Variants in CHRM5 observed in about 807,000 individuals in gnomAD.
The protein encoded by CHRM5 is cholinergic receptor muscarinic 5.
CHRM5 carries 18 observed loss-of-function variants against 39.0 expected under a neutral mutation model. The observed-to-expected ratio is 0.46, with a 90% confidence interval of 0.32 to 0.68. The LOEUF is 0.68. Ranked by LOEUF, CHRM5 falls within the 30% of genes least tolerant of loss-of-function variation. The pLI, the probability that CHRM5 is intolerant of heterozygous loss-of-function variation, is 0.04. For synonymous variants in CHRM5, 241 were observed against 246.3 expected, an observed-to-expected ratio of 0.98 and a Z score of 0.20; for missense variants, 515 against 651.1, an observed-to-expected ratio of 0.79 and a Z score of 2.28.
intron 1 of CHRM5, among the ~76,000 whole-genome samples, chr15:34,011,250 C>A (rs114739507): frequency 1.6e-3 from 238 of 151,980 alleles, no homozygotes; most frequent in African/African-American, 5.5e-3. Context: ...GGGGGAACTA[C>A]GCTAGCAAAA....
At chr15:34,032,100 T>C (rs1028627049) in intron 1 of CHRM5, among the ~76,000 whole-genome samples, 1 of 152,018 alleles carries the variant, frequency 6.6e-6, no homozygotes, top group African/African-American at 2.4e-5. Context: ...CGTAATAAGT[T>C]AGTCAGTAGC....
rs1458859883 is a variant in CHRM5, at chr15:34,066,659, C to T, written c.*2343C>T. ...TCTCTACAAAAAAAATTTTAAATAC[C>T]TGGGCATTAGCAGGGCATCGTAGTG... On this transcript the variant is annotated 3_prime_UTR_variant, in exon 3 of 3. Coordinates refer to ENST00000383263, the MANE Select transcript of CHRM5 (RefSeq NM_012125.4). The T allele has an allele frequency of 6.6e-6, 1 of 152,050 alleles. No individual in the cohort carries two copies. The highest frequency in any genetic ancestry group is 1.5e-5 in the Non-Finnish European group (1 of 68,060). The allele number at this position is 152,050 out of a possible 1,614,324, so 9.4% of individuals were successfully genotyped here. A position where few individuals can be genotyped will look rare whatever the true frequency, so the allele number is the denominator to read the frequency against.
chr15:33,978,925 A>G (rs1254692137), intron 1 of CHRM5, among the ~76,000 whole-genome samples: 2 of 57,774 alleles, frequency 3.5e-5, no homozygotes, highest in African/African-American at 5.5e-5. Flanking sequence ...ATGTATGTCC[A>G]TGCCAGGCAA....
chr15:33,984,370 T>A (rs926699811), intron 1 of CHRM5, among the ~76,000 whole-genome samples: 8 of 151,758 alleles, frequency 5.3e-5, no homozygotes, highest in Non-Finnish European at 1.0e-4. Flanking sequence ...GCAAACTCAG[T>A]CACTTTCCTC....
At chr15:33,998,885 C>T (rs676422) in intron 1 of CHRM5, among the ~76,000 whole-genome samples, 145,577 of 152,238 alleles carry the variant, frequency 0.96, 69,947 homozygotes, top group East Asian at 1. Context: ...ATAACTCCCC[C>T]TGTCATCTCA....
At chr15:34,024,628 G>A (rs879308301) in intron 1 of CHRM5, among the ~76,000 whole-genome samples, 12 of 151,532 alleles carry the variant, frequency 7.9e-5, no homozygotes, top group Non-Finnish European at 1.3e-4. Context: ...CGAGGCGGGC[G>A]GATCATGAGG....
intron 1 of CHRM5, among the ~76,000 whole-genome samples, chr15:33,974,702 G>A (rs1273082856): frequency 6.6e-6 from 1 of 152,248 alleles, no homozygotes; most frequent in African/African-American, 2.4e-5. Context: ...GCCGGGCACA[G>A]TGGCTCACGC....
intron 1 of CHRM5, among the ~76,000 whole-genome samples, chr15:34,009,469 T>C (rs1013372110): frequency 6.6e-5 from 10 of 152,152 alleles, no homozygotes; most frequent in Admixed American, 5.2e-4. Flanking sequence ...ATAACATAGA[T>C]TTTTTTAAAA....
intron 1 of CHRM5, chr15:34,002,883 C>T (rs1897191264): frequency 2.8e-6 from 2 of 721,080 alleles, no homozygotes; most frequent in Non-Finnish European, 4.3e-6. Flanking sequence ...CCCTTACAAG[C>T]CATTAGAAAC....
At chr15:33,990,460 G>T (rs565078323) in intron 1 of CHRM5, among the ~76,000 whole-genome samples, 2 of 152,154 alleles carry the variant, frequency 1.3e-5, no homozygotes, top group African/African-American at 2.4e-5. Flanking sequence ...AGAGTAACTG[G>T]AATATAAGTC....
At chr15:34,008,421 TAAAA>T (rs747960979) in intron 1 of CHRM5, among the ~76,000 whole-genome samples, 2 of 141,648 alleles carry the variant, frequency 1.4e-5, no homozygotes, top group Non-Finnish European at 3.0e-5. Context: ...CCGTGTCTCT[TAAAA>T]AGAAAAAAAA....
Position 34,008,582 on chromosome 15 carries a change from G to A in CHRM5, c.-407-37958G>A, listed in dbSNP as rs572682319. ...CGGCTCGCTGCAACCTCCGCCTCCC[G>A]GGTTCAAGTCATTCTTCTGCCTCAG... On this transcript the variant is annotated intron_variant, in intron 1 of 2. Coordinates refer to ENST00000383263, the MANE Select transcript of CHRM5 (RefSeq NM_012125.4). Among the ~76,000 whole-genome samples the A allele has an allele frequency of 3.4e-5, 5 of 147,878 alleles. No homozygotes were observed. The East Asian group carries it at 6.1e-4, about 18-fold the overall frequency.
intron 1 of CHRM5, among the ~76,000 whole-genome samples, chr15:34,044,104 A>G (rs984720101): frequency 2.6e-5 from 4 of 152,136 alleles, no homozygotes; most frequent in African/African-American, 9.7e-5. Flanking sequence ...ATGAAAAAAA[A>G]AAAAAACTTC....
chr15:34,048,987 G>T (rs964991928), intron 2 of CHRM5, among the ~76,000 whole-genome samples: 4 of 152,076 alleles, frequency 2.6e-5, no homozygotes, highest in Non-Finnish European at 5.9e-5. Context: ...ACTGTTAAAA[G>T]AAAAACAAAC....
chr15:34,048,247 C>T (rs972778758), intron 2 of CHRM5, among the ~76,000 whole-genome samples: 2 of 152,238 alleles, frequency 1.3e-5, no homozygotes, highest in African/African-American at 4.8e-5. Context: ...GGAGCTTCAA[C>T]CACTCCAGCC....
At chr15:34,043,218 G>A (rs1899550770) in intron 1 of CHRM5, among the ~76,000 whole-genome samples, 1 of 151,104 alleles carries the variant, frequency 6.6e-6, no homozygotes, top group Admixed American at 6.6e-5. Context: ...CTGCACTCCA[G>A]CCTGGGCGAC....
At chr15:34,024,904 C>T (rs1029219920) in intron 1 of CHRM5, among the ~76,000 whole-genome samples, 4 of 151,240 alleles carry the variant, frequency 2.6e-5, no homozygotes, top group Non-Finnish European at 5.9e-5. Flanking sequence ...GTGGCGAGGC[C>T]GGGCATGGTG....
chr15:34,061,801 C>T (rs1396772850), intron 2 of CHRM5, among the ~76,000 whole-genome samples: 1 of 152,144 alleles, frequency 6.6e-6, no homozygotes, highest in Non-Finnish European at 1.5e-5. Flanking sequence ...ACCAGATATG[C>T]ACTTGGAGTT....
At chr15:33,996,082 G>A (rs1297927692) in intron 1 of CHRM5, among the ~76,000 whole-genome samples, 3 of 152,232 alleles carry the variant, frequency 2.0e-5, no homozygotes, top group South Asian at 2.1e-4. Context: ...CACTGCTAGC[G>A]CAGCAGTCTG....
Sources: gnomAD v4.1 joint callset for allele counts (sites outside exome capture counted in the v4.1 genomes callset) on GRCh38, gnomAD v4.1.1 for gene constraint, MANE v1.5 for transcripts, NCBI Gene and HGNC (gene_info 2026-07-23, HGNC 2026-07-21) for gene names.